The following QTMAN variants were observed in gnomAD, a reference collection of about 807,000 sequenced individuals.
QTMAN encodes the protein queuosine-tRNA mannosyltransferase, also known as tRNA-queuosine alpha-mannosyltransferase.
At chr2:144,018,324 C>CT in the QTMAN span, among the ~76,000 whole-genome samples, 7,843 of 149,844 alleles carry the variant, frequency 0.052, 329 homozygotes, top group African/African-American at 0.11. Context: ...AACATAACCA[C>CT]TTTTTTTTTT....
the QTMAN span, among the ~76,000 whole-genome samples, chr2:144,155,409 T>C: frequency 3.9e-5 from 6 of 152,168 alleles, no homozygotes; most frequent in Admixed American, 6.5e-5. Context: ...CTTCATATGG[T>C]GTTTTATCAC....
At chr2:143,966,351 T>A in the QTMAN span, among the ~76,000 whole-genome samples, 1 of 152,244 alleles carries the variant, frequency 6.6e-6, no homozygotes, top group African/African-American at 2.4e-5. Context: ...TCAAGAAATG[T>A]CAGTTCTATC....
the QTMAN span, chr2:143,947,264 A>G: frequency 1.5e-6 from 1 of 671,862 alleles, no homozygotes; most frequent in Admixed American, 2.3e-5. Context: ...AAAGCCACCA[A>G]GTAAATGGTT....
chr2:144,284,735 G>A, the QTMAN span, among the ~76,000 whole-genome samples: 137 of 152,026 alleles, frequency 9.0e-4, 3 homozygotes, highest in East Asian at 0.018. Flanking sequence ...ATTCATTTCC[G>A]TAAAAAGGTG....
At chr2:144,023,563 C>T in the QTMAN span, among the ~76,000 whole-genome samples, 1 of 152,150 alleles carries the variant, frequency 6.6e-6, no homozygotes. Flanking sequence ...ATATAGTGAA[C>T]ATTATTGTGA....
At chr2:144,271,197 G>C in the QTMAN span, among the ~76,000 whole-genome samples, 29 of 152,056 alleles carry the variant, frequency 1.9e-4, no homozygotes, top group South Asian at 1.2e-3. Context: ...GCAGAAGTTT[G>C]GTCTATTCCT....
At chr2:144,266,770 T>C in the QTMAN span, among the ~76,000 whole-genome samples, 1 of 152,254 alleles carries the variant, frequency 6.6e-6, no homozygotes, top group Non-Finnish European at 1.5e-5. Flanking sequence ...TTTCGGTACA[T>C]ATGTCCCCAT....
chr2:144,168,328 C>T, the QTMAN span, among the ~76,000 whole-genome samples: 1 of 152,124 alleles, frequency 6.6e-6, no homozygotes, highest in African/African-American at 2.4e-5. Context: ...AAAACAACAC[C>T]ATCTTTGGCA....
chr2:144,232,981 A>G, the QTMAN span, among the ~76,000 whole-genome samples: 4,757 of 152,274 alleles, frequency 0.031, 113 homozygotes, highest in Middle Eastern at 0.082. Context: ...AATATTTTAA[A>G]TGCACATCCT....
chr2:144,274,839 A>C, the QTMAN span, among the ~76,000 whole-genome samples: 1 of 152,128 alleles, frequency 6.6e-6, no homozygotes, highest in Non-Finnish European at 1.5e-5. Context: ...CCTTACACCC[A>C]GTCAATCAGA....
the QTMAN span, among the ~76,000 whole-genome samples, chr2:143,986,993 A>C: frequency 6.6e-6 from 1 of 152,214 alleles, no homozygotes; most frequent in Admixed American, 6.5e-5. Flanking sequence ...CACACCAAAA[A>C]GAGGGTAAAT....
At chr2:144,328,515 G>C in the QTMAN span, among the ~76,000 whole-genome samples, 1 of 152,198 alleles carries the variant, frequency 6.6e-6, no homozygotes, top group South Asian at 2.1e-4. Context: ...AAAGGATATA[G>C]TGAGACAGCA....
the QTMAN span, among the ~76,000 whole-genome samples, chr2:144,216,519 C>T: frequency 5.9e-5 from 9 of 152,318 alleles, no homozygotes; most frequent in East Asian, 1.7e-3. Context: ...CAGCACTGTA[C>T]TTGATACTAA....
chr2:144,174,071 A>C, the QTMAN span, among the ~76,000 whole-genome samples: 2 of 152,212 alleles, frequency 1.3e-5, no homozygotes, highest in African/African-American at 4.8e-5. Context: ...ACCCAGCCTC[A>C]GGTATACCTT....
the QTMAN span, among the ~76,000 whole-genome samples, chr2:144,218,915 T>TAA: frequency 9.1e-3 from 492 of 53,998 alleles, 5 homozygotes; most frequent in Non-Finnish European, 0.013. Context: ...GGAAAGTATC[T>TAA]AAAAAAAAAA....
chr2:144,117,750 A>G, the QTMAN span, among the ~76,000 whole-genome samples: 2 of 152,220 alleles, frequency 1.3e-5, no homozygotes, highest in Non-Finnish European at 2.9e-5. Flanking sequence ...TTTTCCATGC[A>G]TATACATAAA....
the QTMAN span, among the ~76,000 whole-genome samples, chr2:144,025,352 A>T: frequency 6.6e-6 from 1 of 152,218 alleles, no homozygotes; most frequent in African/African-American, 2.4e-5. Context: ...TATGGGGCAT[A>T]GATCATGGTG....
At chr2:143,985,520 G>T in the QTMAN span, among the ~76,000 whole-genome samples, 1 of 152,170 alleles carries the variant, frequency 6.6e-6, no homozygotes, top group African/African-American at 2.4e-5. Context: ...AGTGGCACTG[G>T]AAGTTGAATT....
chr2:144,006,733 G>C, the QTMAN span: 1 of 154,724 alleles, frequency 6.5e-6, no homozygotes, highest in Non-Finnish European at 1.4e-5. Context: ...TACATCTTAT[G>C]ACAAGTAAAA....
Sources: gnomAD v4.1 joint callset for allele counts (sites outside exome capture counted in the v4.1 genomes callset) on GRCh38, gnomAD v4.1.1 for gene constraint, MANE v1.5 for transcripts, NCBI Gene and HGNC (gene_info 2026-07-23, HGNC 2026-07-21) for gene names.